Variants in NEO1 observed in about 807,000 individuals in gnomAD.
The protein encoded by NEO1 is neogenin 1, also known as neogenin.
NEO1 carries 63 observed loss-of-function variants against 159.7 expected under a neutral mutation model. That is an observed-to-expected ratio of 0.39 (90% CI 0.32 to 0.49). NEO1 has a LOEUF of 0.49. NEO1 is among the 20% of genes least tolerant of loss of function. NEO1 has a pLI of 0.85. For missense variants in NEO1, 1,615 were observed against 1,831.0 expected, an observed-to-expected ratio of 0.88 and a Z score of 2.15; for synonymous variants, 633 against 662.0, an observed-to-expected ratio of 0.96 and a Z score of 0.67.
At position 73,283,697 on chromosome 15, in the gene NEO1, A is replaced by G. The variant is rs369319976; in HGVS notation, c.3410+586A>G. On this transcript the variant is annotated intron_variant, in intron 23 of 28. Transcript: ENST00000261908. ...CCAACTAGAGAATAGATGTGGTGAG[A>G]AAAGTAGAAAGTGTCTGGCATTGCT... Among the ~76,000 whole-genome samples the G allele has an allele frequency of 1.6e-4, 24 of 152,306 alleles. No individual in the cohort carries two copies. The East Asian group carries it at 3.1e-3, about 20-fold the overall frequency.
chr15:73,229,889 G>T (rs1055171052), intron 7 of NEO1, among the ~76,000 whole-genome samples: 37 of 151,956 alleles, frequency 2.4e-4, no homozygotes, highest in Non-Finnish European at 4.3e-4. Flanking sequence ...AATTCTACTT[G>T]GTCATGGCAT....
intron 4 of NEO1, among the ~76,000 whole-genome samples, chr15:73,129,445 C>T (rs1294167898): frequency 1.3e-5 from 2 of 152,146 alleles, no homozygotes; most frequent in Non-Finnish European, 2.9e-5. Context: ...CTTTATTACT[C>T]ATCTTAAGAC....
At chr15:73,249,519 C>G (rs1344865855) in intron 10 of NEO1, 64 bp from the exon 11 acceptor site, 1 of 1,474,060 alleles carries the variant, frequency 6.8e-7, no homozygotes, top group African/African-American at 1.4e-5. Context: ...GTAGCTAATT[C>G]TTTAATTTTC....
chr15:73,206,835 ATG>A (rs10537842), intron 7 of NEO1, among the ~76,000 whole-genome samples: 3 of 150,774 alleles, frequency 2.0e-5, no homozygotes, highest in East Asian at 2.0e-4. Flanking sequence ...GTGTGTGTGT[ATG>A]TGTGTGTGTG....
intron 5 of NEO1, among the ~76,000 whole-genome samples, chr15:73,164,275 T>C (rs1018181032): frequency 6.6e-5 from 10 of 150,724 alleles, no homozygotes; most frequent in Non-Finnish European, 1.5e-4. Flanking sequence ...AATGGCACGA[T>C]TGATCTCAGC....
intron 5 of NEO1, among the ~76,000 whole-genome samples, chr15:73,153,850 A>G (rs2033573488): frequency 6.6e-6 from 1 of 152,168 alleles, no homozygotes; most frequent in Non-Finnish European, 1.5e-5. Flanking sequence ...CCTCCGAATT[A>G]TATTTTCCTC....
chr15:73,221,976 A>G (rs1177799655), intron 7 of NEO1: 2 of 153,954 alleles, frequency 1.3e-5, no homozygotes, highest in Non-Finnish European at 2.9e-5. Context: ...AGTGAGATGA[A>G]CCCGGTACCT....
chr15:73,164,137 C>T (rs2034396206), intron 5 of NEO1, among the ~76,000 whole-genome samples: 1 of 151,336 alleles, frequency 6.6e-6, no homozygotes, highest in South Asian at 2.1e-4. Flanking sequence ...AAGCGATTCT[C>T]CTGCCTCAGC....
chr15:73,084,948 C>T lies in NEO1; in HGVS notation c.131-31592C>T, dbSNP rs564478756. ...AGGCATTGGATGTAAAACCGTGAAC[C>T]AGGTATACAGGGGCCTTAGCTGACC... is the stretch of plus-strand genomic sequence containing the variant. On this transcript the variant is annotated intron_variant, in intron 1 of 28. Transcript: ENST00000261908. Among the ~76,000 whole-genome samples, 6 of 152,120 alleles carry T rather than the reference C, an allele frequency of 3.9e-5. No individual in the cohort carries two copies. In the South Asian group the frequency reaches 1.2e-3, roughly 32 times the overall value.
At chr15:73,087,651 A>G (rs1447081067) in intron 1 of NEO1, among the ~76,000 whole-genome samples, 2 of 152,070 alleles carry the variant, frequency 1.3e-5, no homozygotes, top group Non-Finnish European at 2.9e-5. Context: ...TACTTTCATA[A>G]TCAGAATAAT....
At chr15:73,190,486 C>T (rs2036180495) in intron 7 of NEO1, among the ~76,000 whole-genome samples, 1 of 152,152 alleles carries the variant, frequency 6.6e-6, no homozygotes, top group Admixed American at 6.5e-5. Flanking sequence ...GAGCATCCCC[C>T]ACCCTTTTTT....
chr15:73,259,370 ATTT>A (rs10623352), intron 14 of NEO1, among the ~76,000 whole-genome samples: 25 of 135,540 alleles, frequency 1.8e-4, no homozygotes, highest in African/African-American at 5.9e-4. Flanking sequence ...CATTTTACTA[ATTT>A]TTTTTTTTTT....
chr15:73,070,196 C>T (rs1318648729), intron 1 of NEO1, among the ~76,000 whole-genome samples: 1 of 152,122 alleles, frequency 6.6e-6, no homozygotes, highest in Admixed American at 6.6e-5. Context: ...AGGTTAATTT[C>T]CCTATATGTC....
chr15:73,283,643 A>C (rs1412530470), intron 23 of NEO1, among the ~76,000 whole-genome samples: 1 of 152,196 alleles, frequency 6.6e-6, no homozygotes, highest in Non-Finnish European at 1.5e-5. Context: ...AGTAATAGTT[A>C]ATTTAGCTCA....
At chr15:73,150,469 C>T (rs561873436) in intron 5 of NEO1, among the ~76,000 whole-genome samples, 4 of 152,074 alleles carry the variant, frequency 2.6e-5, no homozygotes, top group Non-Finnish European at 4.4e-5. Flanking sequence ...TACCCACCAC[C>T]TTCAGTCTTC....
At position 73,278,710 on chromosome 15, in the gene NEO1, G is replaced by C. The variant is rs189570292; in HGVS notation, c.3262+511G>C. On this transcript the variant is annotated intron_variant, in intron 22 of 28. Coordinates refer to ENST00000261908, the MANE Select transcript of NEO1 (RefSeq NM_002499.4). ...CCATATATAAGCTACTTTCACACAT[G>C]AAGTCACAATTGATTCTTACAACAT... Among the ~76,000 whole-genome samples, 6 of 152,320 alleles carry C rather than the reference G, an allele frequency of 3.9e-5. No homozygotes were observed. In the East Asian group the frequency reaches 1.2e-3, roughly 29 times the overall value.
At chr15:73,141,327 T>C (rs2032365243) in intron 5 of NEO1, among the ~76,000 whole-genome samples, 1 of 152,228 alleles carries the variant, frequency 6.6e-6, no homozygotes, top group African/African-American at 2.4e-5. Context: ...AAGTTCATTT[T>C]TCATCTGTTA....
At chr15:73,286,530 A>C (rs1183002444) in intron 23 of NEO1, among the ~76,000 whole-genome samples, 1 of 152,104 alleles carries the variant, frequency 6.6e-6, no homozygotes, top group Non-Finnish European at 1.5e-5. Flanking sequence ...CCGTGGCTTC[A>C]GCATTCCAGC....
intron 1 of NEO1, among the ~76,000 whole-genome samples, chr15:73,057,909 CAA>C (rs904686641): frequency 2.8e-4 from 42 of 152,132 alleles, no homozygotes; most frequent in South Asian, 8.3e-4. Flanking sequence ...TGCAGTCAAA[CAA>C]TATAAAAATA....
Sources: gnomAD v4.1 joint callset for allele counts (sites outside exome capture counted in the v4.1 genomes callset) on GRCh38, gnomAD v4.1.1 for gene constraint, MANE v1.5 for transcripts, NCBI Gene and HGNC (gene_info 2026-07-23, HGNC 2026-07-21) for gene names.